CFAP46: variants seen among roughly 807,000 people sequenced by gnomAD.
CFAP46 encodes cilia and flagella associated protein 46, also known as cilia- and flagella-associated protein 46.
Under a neutral mutation model 325.7 loss-of-function variants are expected in CFAP46, and 245 were observed. The ratio of observed to expected loss-of-function variants is 0.75; its 90% CI spans 0.68 to 0.84. The LOEUF is 0.84. Among genes scored for constraint, CFAP46 ranks in the 40% least tolerant of loss-of-function variants. The pLI is 0.00. For missense variants in CFAP46, 3,346 were observed against 3,543.0 expected (o/e 0.94, Z 1.41); for synonymous variants, 1,523 against 1,495.9 (o/e 1.02, Z -0.42).
rs1848449013 is a variant in CFAP46, at chr10:132,847,011, G to A, written c.6188C>T (p.Ala2063Val). The A allele has an allele frequency of 6.2e-7, 1 of 1,610,430 alleles. No individual in the cohort carries two copies. The highest frequency in any genetic ancestry group is 1.7e-5 in the Admixed American group (1 of 59,890). The stretch of plus-strand genomic sequence containing the variant: ...CTCCACCATCTCCAGGCTGGCGGCT[G>A]CTGCGACATCCAGGAGGCCACTGCC... Reference protein sequence around the residue: ...ALGSGLLDVAAAASLEMVECV... With the variant: ...ALGSGLLDVAVAASLEMVECV... The change falls in exon 43 of 58, where the codon GCA becomes GTA. Residue 2063 changes from alanine to valine, a missense_variant. Physicochemically the swap from Ala to Val is moderately conservative, Grantham distance 64. Coordinates refer to ENST00000368586, the MANE Select transcript of CFAP46 (RefSeq NM_001200049.3). The surrounding 1 kb of genome is among the most constrained non-coding windows in gnomAD (Gnocchi z 5.2).
rs376240960 is a variant in CFAP46, at chr10:132,934,842, A to G, written c.776T>C (p.Leu259Ser). 1.5e-4 allele frequency: 243 copies of G among 1,608,016 alleles called. No individual in the cohort carries two copies. Among genetic ancestry groups the G allele is most frequent in the Non-Finnish European group, 2.0e-4 (231 of 1,174,868 alleles). ...CAGAATGACACTGATGTCACCTGGT[A>G]AATCATTTTGCTCCGCTTTTCTAGA... is the stretch of plus-strand genomic sequence containing the variant. ...MLKAKAEQND[L>S]PGDISVILRK... Residue 259 changes from leucine to serine, a missense_variant, in exon 8 of 58, where the codon TTA becomes TCA. Leu to Ser is a moderately radical substitution (Grantham distance 145). Coordinates refer to ENST00000368586, the MANE Select transcript of CFAP46 (RefSeq NM_001200049.3).
chr10:132,928,284 T>C lies in CFAP46; in HGVS notation c.966+1421A>G, dbSNP rs1046382465. ...AGTGGGGCCGGACCCAGGCGTTCCATAGTCATTCTGAATTGGGGACACCGT... is the reference window on the plus strand; with the variant it reads ...AGTGGGGCCGGACCCAGGCGTTCCACAGTCATTCTGAATTGGGGACACCGT... On this transcript the variant is annotated intron_variant, in intron 9 of 57. Coordinates refer to ENST00000368586, the MANE Select transcript of CFAP46 (RefSeq NM_001200049.3). Among the ~76,000 whole-genome samples the C allele has an allele frequency of 5.3e-5, 8 of 152,264 alleles. No homozygotes were observed. In the South Asian group the frequency reaches 6.2e-4, roughly 12 times the overall value.
In CFAP46 at chr10:132,857,720, G is replaced by A. The variant is rs1330189848; in HGVS notation, c.5444C>T (p.Ala1815Val). The change falls in exon 39 of 58, where the codon GCC (alanine) becomes GTC (valine). Residue 1815 changes from alanine to valine, a missense_variant. By Grantham distance (64) the Ala-to-Val change is moderately conservative. Coordinates refer to ENST00000368586, the MANE Select transcript of CFAP46 (RefSeq NM_001200049.3). ...TTCTTCCTCAGCTACGGCACCCTGG[G>A]CCAGGCCATACGCTTCCAAGTAATA... ...TAYYLEAYGL[A>V]QGAVAEEEGR... 1 of 1,610,826 alleles carries A rather than the reference G, an allele frequency of 6.2e-7. No individual in the cohort carries two copies. The highest frequency in any genetic ancestry group is 8.5e-7 in the Non-Finnish European group (1 of 1,178,784).
intron 22 of CFAP46, among the ~76,000 whole-genome samples, chr10:132,904,736 G>C (rs775342449): frequency 1.1e-4 from 16 of 152,150 alleles, no homozygotes; most frequent in Admixed American, 2.6e-4. Flanking sequence ...CGCTGTCTTT[G>C]TAGTTTATTT....
At chr10:132,811,134 T>A (rs1330701737) in intron 55 of CFAP46, 103 bp from the exon 56 acceptor site, 10 of 961,570 alleles carry the variant, frequency 1.0e-5, no homozygotes, top group Non-Finnish European at 1.1e-5. Flanking sequence ...CAGCAGGGCA[T>A]GGCACGCTGG....
Position 132,877,762 on chromosome 10 carries a change from C to G in CFAP46, c.4212+119G>C, listed in dbSNP as rs1003605547. Reference sequence around the variant, plus strand: ...AGGGAAACTGAGGCACAGGCCATCCCGGGCCCGGCCTCTGCACTGAGGCCG... The same window carrying G: ...AGGGAAACTGAGGCACAGGCCATCCGGGGCCCGGCCTCTGCACTGAGGCCG... On this transcript the variant is annotated intron_variant, in intron 30 of 57. Coordinates refer to ENST00000368586, the MANE Select transcript of CFAP46 (RefSeq NM_001200049.3). This position sits in a 1 kb window ranked among gnomAD's most constrained non-coding sequence, Gnocchi z 5.7. 9.6e-6 allele frequency: 10 copies of G among 1,041,190 alleles called. No homozygotes were observed. The African/African-American group carries it at 1.5e-4, about 16-fold the overall frequency. 64.5% of individuals were successfully genotyped at this position (1,041,190 alleles called of 1,614,324 possible).
In CFAP46 at chr10:132,814,742, C is replaced by T. The variant is rs1847658742; in HGVS notation, c.7193G>A (p.Ser2398Asn). ...GTCAGGGGGGATGGTCCGGGGGATG[C>T]TGCCCTGCAACCACAGACCAGGGTC... ...RSLAKKGRKG[S>N]IPRTIPPDCI... Residue 2398 changes from serine (S) to asparagine (N), a missense_variant, in exon 52 of 58, where the codon AGC becomes AAC. Transcript: ENST00000368586. The T allele has an allele frequency of 1.2e-6, 2 of 1,613,548 alleles. No homozygotes were observed. Among genetic ancestry groups the T allele is most frequent in the South Asian group, 2.2e-5 (2 of 91,066 alleles).
intron 35 of CFAP46, among the ~76,000 whole-genome samples, chr10:132,861,751 C>T (rs189201483): frequency 7.9e-5 from 12 of 152,316 alleles, no homozygotes; most frequent in Non-Finnish European, 1.0e-4. Context: ...GGAAAGGCAG[C>T]GTCCTGTTCC....
At chr10:132,925,340 G>A (rs1488562955) in intron 10 of CFAP46, among the ~76,000 whole-genome samples, 1 of 152,262 alleles carries the variant, frequency 6.6e-6, no homozygotes, top group Non-Finnish European at 1.5e-5. Context: ...CACCGTCCTG[G>A]GCTCACTTGG....
intron 3 of CFAP46, among the ~76,000 whole-genome samples, chr10:132,941,360 A>G (rs1039716068): frequency 6.6e-6 from 1 of 152,234 alleles, no homozygotes; most frequent in Non-Finnish European, 1.5e-5. Flanking sequence ...CGCAGATGCC[A>G]CAGAGACCAC....
intron 17 of CFAP46, among the ~76,000 whole-genome samples, chr10:132,914,886 G>A (rs114360065): frequency 0.015 from 2,314 of 152,274 alleles, 26 homozygotes; most frequent in Middle Eastern, 0.02. Context: ...ACACTGTGAA[G>A]CGCCGCCCTC....
intron 38 of CFAP46, 45 bp from the exon 39 acceptor site, chr10:132,857,833 T>C (rs1461970764): frequency 2.2e-6 from 3 of 1,386,148 alleles, no homozygotes; most frequent in African/African-American, 2.9e-5. Context: ...TATGTTATTA[T>C]TACTAAATGT....
chr10:132,906,135 A>G (rs970920002), intron 22 of CFAP46, among the ~76,000 whole-genome samples: 16 of 152,162 alleles, frequency 1.1e-4, no homozygotes, highest in African/African-American at 3.6e-4. Context: ...CTCCAGACCA[A>G]CTCTGCTCCG....
intron 31 of CFAP46, among the ~76,000 whole-genome samples, chr10:132,874,084 T>C (rs1008903162): frequency 2.0e-5 from 3 of 152,180 alleles, no homozygotes; most frequent in Non-Finnish European, 4.4e-5. Flanking sequence ...CCACCAATCT[T>C]ATACAAATTT....
chr10:132,924,505 G>A (rs982598935), intron 11 of CFAP46, among the ~76,000 whole-genome samples, 191 bp downstream of exon 11: 3 of 152,334 alleles, frequency 2.0e-5, no homozygotes, highest in Admixed American at 6.5e-5. Flanking sequence ...CTCTGGCGCC[G>A]CCAATGCACC....
chr10:132,919,381 G>T lies in CFAP46; in HGVS notation c.1792C>A (p.Arg598=), dbSNP rs769009515. ...ARKQGVWDVC[R]TASRFCLLYD... is the part of the protein sequence containing the mutation. Reference sequence around the variant, plus strand: ...AGGAGGCAGAAGCGGCTCGCCGTCCGACAGACGTCCCACACGCCTTGTTTC... The same window carrying T: ...AGGAGGCAGAAGCGGCTCGCCGTCCTACAGACGTCCCACACGCCTTGTTTC... The change falls in exon 15 of 58, where the codon CGG becomes AGG. Residue 598 remains arginine, a synonymous_variant. Transcript: ENST00000368586. The surrounding 1 kb of genome is among the most constrained non-coding windows in gnomAD (Gnocchi z 9.7). 2.6e-6 allele frequency: 4 copies of T among 1,550,072 alleles called. No homozygotes were observed. The highest frequency in any genetic ancestry group is 3.5e-6 in the Non-Finnish European group (4 of 1,146,898).
At position 132,814,655 on chromosome 10, in the gene CFAP46, TGGGGCCCCCCC is replaced by T; in HGVS notation, c.7249+20_7249+30del. On this transcript the variant is annotated intron_variant, in intron 52 of 57. Coordinates refer to ENST00000368586, the MANE Select transcript of CFAP46 (RefSeq NM_001200049.3). The stretch of plus-strand genomic sequence containing the variant: ...AGAAACGGGAGCACAGGGCGGGGTC[TGGGGCCCCCCC>T]GGGGCCCATCAAAGGATACACTTGA... 1 of 1,584,106 alleles carries T rather than the reference TGGGGCCCCCCC, an allele frequency of 6.3e-7. No homozygotes were observed. The highest frequency in any genetic ancestry group is 8.6e-7 in the Non-Finnish European group (1 of 1,165,214).
At position 132,808,528 on chromosome 10, in the gene CFAP46, A is replaced by T; in HGVS notation, c.8041T>A (p.Cys2681Ser). 1.9e-6 allele frequency: 3 copies of T among 1,613,064 alleles called. No homozygotes were observed. Among genetic ancestry groups the T allele is most frequent in the Non-Finnish European group, 2.5e-6 (3 of 1,179,978 alleles). Residue 2681 changes from cysteine to serine, a missense_variant, in exon 58 of 58, where the codon TGC (cysteine) becomes AGC (serine). Physicochemically the swap from Cys to Ser is moderately radical, Grantham distance 112. Transcript: ENST00000368586. The surrounding 1 kb of genome is among the most constrained non-coding windows in gnomAD (Gnocchi z 6.8). ...APWGLRRGWS[C>S]VSSRGQDKGG... ...TTGTCCTGGCCCCGGGAAGAGACGC[A>T]GCTCCAGCCCCGACGCAGACCCCAT...
chr10:132,908,413 G>A (rs1849490273), intron 22 of CFAP46, 55 bp downstream of exon 22: 2 of 1,538,810 alleles, frequency 1.3e-6, no homozygotes. Flanking sequence ...TGAGGCCCAG[G>A]CCTGCGCTCC....
Sources: gnomAD v4.1 joint callset for allele counts (sites outside exome capture counted in the v4.1 genomes callset) on GRCh38, gnomAD v4.1.1 for gene constraint, Gnocchi (gnomAD v3.1) non-coding constraint, MANE v1.5 for transcripts, NCBI Gene and HGNC (gene_info 2026-07-23, HGNC 2026-07-21) for gene names.